The following WWOX variants were observed in gnomAD, a reference collection of about 807,000 sequenced individuals.
The protein encoded by WWOX is WW domain containing oxidoreductase, also known as WW domain-containing oxidoreductase.
A neutral mutation model predicts 46.2 loss-of-function variants in WWOX; 69 were observed. The ratio of observed to expected loss-of-function variants is 1.49; its 90% confidence interval spans 1.23 to 1.82. The LOEUF is 1.82. WWOX is among the 40% of genes most tolerant of loss of function. The pLI, the probability that WWOX is intolerant of heterozygous loss-of-function variation, is 0.00. For synonymous variants in WWOX, 359 were observed against 202.6 expected, an observed-to-expected ratio of 1.77 and a Z score of -6.56; for missense variants, 919 against 542.6, an observed-to-expected ratio of 1.69 and a Z score of -6.89.
intron 8 of WWOX, among the ~76,000 whole-genome samples, chr16:78,592,010 C>G (rs771819589): frequency 6.6e-6 from 1 of 152,206 alleles, no homozygotes; most frequent in Non-Finnish European, 1.5e-5. Flanking sequence ...GATTGATTAT[C>G]CCTCAAGGTA....
chr16:79,106,523 A>T (rs2049310487), intron 8 of WWOX: 1 of 151,226 alleles, frequency 6.6e-6, no homozygotes, highest in Non-Finnish European at 1.5e-5. Flanking sequence ...ATTTGGGGAA[A>T]GTATACCTAT....
intron 8 of WWOX, among the ~76,000 whole-genome samples, chr16:79,038,883 T>C (rs972877823): frequency 3.9e-5 from 6 of 152,198 alleles, no homozygotes; most frequent in African/African-American, 1.4e-4. Flanking sequence ...AAATACATTT[T>C]TTAAAAAGAT....
rs540047314 is a variant in WWOX, at chr16:79,030,575, C to G, written c.1057-181033C>G. Among the ~76,000 whole-genome samples, 59 of 152,316 alleles carry G rather than the reference C, an allele frequency of 3.9e-4. No individual in the cohort carries two copies. The South Asian group carries it at 0.012, about 32-fold the overall frequency. On this transcript the variant is annotated intron_variant, in intron 8 of 8. Coordinates refer to ENST00000566780, the MANE Select transcript of WWOX (RefSeq NM_016373.4). Reference sequence around the variant, plus strand: ...CTGTACCGACTCATATGAGGGCTGTCTTGGTCCGTCTCATTTAAGGTTTGG... The same window carrying G: ...CTGTACCGACTCATATGAGGGCTGTGTTGGTCCGTCTCATTTAAGGTTTGG...
intron 8 of WWOX, among the ~76,000 whole-genome samples, chr16:79,164,256 G>A (rs935024886): frequency 1.3e-5 from 2 of 152,142 alleles, no homozygotes; most frequent in Non-Finnish European, 2.9e-5. Flanking sequence ...CCACTACCAC[G>A]CCACTTAGCT....
intron 8 of WWOX, among the ~76,000 whole-genome samples, chr16:78,695,067 T>A (rs993472266): frequency 1.3e-5 from 2 of 152,198 alleles, no homozygotes; most frequent in Non-Finnish European, 2.9e-5. Flanking sequence ...CAAAATATTA[T>A]TGATCTAGAC....
intron 8 of WWOX, among the ~76,000 whole-genome samples, chr16:79,085,226 G>A (rs1039783445): frequency 1.3e-5 from 2 of 152,026 alleles, no homozygotes; most frequent in African/African-American, 4.8e-5. Flanking sequence ...GACTCTGTTG[G>A]GAGCTATATT....
chr16:78,915,600 T>C (rs551742586), intron 8 of WWOX, among the ~76,000 whole-genome samples: 34 of 152,268 alleles, frequency 2.2e-4, no homozygotes, highest in Middle Eastern at 3.4e-3. Context: ...TGCTGGTTCC[T>C]ATTAGCAAAA....
chr16:78,642,285 G>C (rs2046737949), intron 8 of WWOX, among the ~76,000 whole-genome samples: 1 of 152,198 alleles, frequency 6.6e-6, no homozygotes, highest in Non-Finnish European at 1.5e-5. Context: ...GTAGGGAGGA[G>C]GTGGAGGATA....
At chr16:78,882,405 C>G (rs1044251488) in intron 8 of WWOX, among the ~76,000 whole-genome samples, 15 of 152,004 alleles carry the variant, frequency 9.9e-5, no homozygotes, top group Non-Finnish European at 1.9e-4. Flanking sequence ...TATTTTATTA[C>G]CTGTGCCTCC....
chr16:78,453,957 G>C (rs1467818670), intron 8 of WWOX, among the ~76,000 whole-genome samples: 2 of 152,032 alleles, frequency 1.3e-5, no homozygotes, highest in Non-Finnish European at 2.9e-5. Flanking sequence ...CTTGTAGATT[G>C]GGCAGATCTG....
chr16:78,632,410 G>A (rs915502495), intron 8 of WWOX, among the ~76,000 whole-genome samples: 5 of 151,908 alleles, frequency 3.3e-5, no homozygotes, highest in African/African-American at 1.2e-4. Context: ...CCTTTCTTTT[G>A]GGCTTTCCTA....
chr16:78,802,924 A>AAAAAAAAC, intron 8 of WWOX, among the ~76,000 whole-genome samples: 1 of 106,506 alleles, frequency 9.4e-6, no homozygotes, highest in Non-Finnish European at 1.9e-5. Context: ...TGAAAAAAAA[A>AAAAAAAAC]AAAAAAAAAA....
At chr16:78,574,403 A>G (rs1252511321) in intron 8 of WWOX, among the ~76,000 whole-genome samples, 1 of 152,168 alleles carries the variant, frequency 6.6e-6, no homozygotes, top group Admixed American at 6.5e-5. Context: ...TCTATCAGCC[A>G]CAACTTGAAG....
chr16:79,157,240 G>C (rs1232924362), intron 8 of WWOX, among the ~76,000 whole-genome samples: 1 of 152,172 alleles, frequency 6.6e-6, no homozygotes, highest in Non-Finnish European at 1.5e-5. Context: ...GAGCATTCAA[G>C]AGTCTGTCAG....
At chr16:78,832,489 A>C (rs1016002786) in intron 8 of WWOX, among the ~76,000 whole-genome samples, 1 of 152,322 alleles carries the variant, frequency 6.6e-6, no homozygotes, top group East Asian at 1.9e-4. Flanking sequence ...AGGGAGGTCT[A>C]TCAAAGAACT....
At chr16:78,516,349 C>T (rs1048617910) in intron 8 of WWOX, among the ~76,000 whole-genome samples, 1 of 152,160 alleles carries the variant, frequency 6.6e-6, no homozygotes, top group Non-Finnish European at 1.5e-5. Context: ...AACATACCTC[C>T]AGGTCAACAG....
intron 8 of WWOX, among the ~76,000 whole-genome samples, chr16:78,863,158 A>G (rs2043929139): frequency 6.6e-6 from 1 of 151,964 alleles, no homozygotes; most frequent in African/African-American, 2.4e-5. Context: ...GGGTTTCACC[A>G]TGTTGGCCAG....
chr16:78,556,626 C>G (rs941136175), intron 8 of WWOX, among the ~76,000 whole-genome samples: 2 of 152,146 alleles, frequency 1.3e-5, no homozygotes, highest in Admixed American at 6.5e-5. Context: ...GTGTTTAGGA[C>G]AGAGTTCAAC....
At chr16:78,733,851 A>T (rs1310371913) in intron 8 of WWOX, among the ~76,000 whole-genome samples, 2 of 152,132 alleles carry the variant, frequency 1.3e-5, no homozygotes, top group African/African-American at 4.8e-5. Context: ...GGATCACTTG[A>T]GCCCAGGATT....
Sources: gnomAD v4.1 joint callset for allele counts (sites outside exome capture counted in the v4.1 genomes callset) on GRCh38, gnomAD v4.1.1 for gene constraint, MANE v1.5 for transcripts, NCBI Gene and HGNC (gene_info 2026-07-23, HGNC 2026-07-21) for gene names.